The following AAK1 variants were observed in gnomAD, a reference collection of about 807,000 sequenced individuals.
AAK1 encodes AP2 associated kinase 1.
Under a neutral mutation model 116.0 loss-of-function variants are expected in AAK1, and 37 were observed. The observed-to-expected ratio is 0.32, with a 90% CI of 0.25 to 0.42. The LOEUF (loss-of-function observed/expected upper bound fraction) is 0.42. Among genes scored for constraint, AAK1 ranks in the 10% least tolerant of loss-of-function variants. The pLI, the probability that AAK1 is intolerant of heterozygous loss-of-function variation, is 1.00. For missense variants in AAK1, 919 were observed against 1,170.6 expected (o/e 0.79, Z 3.14); for synonymous variants, 458 against 439.9 (o/e 1.04, Z -0.51).
intron 11 of AAK1, among the ~76,000 whole-genome samples, chr2:69,520,358 CTT>C (rs71397334): frequency 1.6e-4 from 20 of 127,384 alleles, no homozygotes; most frequent in Non-Finnish European, 1.6e-4. Flanking sequence ...CAATTCTTTT[CTT>C]TTTTTTTTTT....
At chr2:69,496,272 C>T (rs1025591352) in intron 16 of AAK1, among the ~76,000 whole-genome samples, 192 bp from the exon 17 acceptor site, 5 of 144,422 alleles carry the variant, frequency 3.5e-5, no homozygotes, top group African/African-American at 1.3e-4. Flanking sequence ...CAATCTGGCC[C>T]GTTTTTTTTT....
chr2:69,493,660 G>C (rs1675628986), intron 17 of AAK1, among the ~76,000 whole-genome samples: 1 of 152,218 alleles, frequency 6.6e-6, no homozygotes, highest in Admixed American at 6.5e-5. Flanking sequence ...CTCCCTCAGA[G>C]AGTGATAGGA....
intron 13 of AAK1, among the ~76,000 whole-genome samples, chr2:69,511,016 T>A (rs1373930700): frequency 1.3e-5 from 2 of 152,198 alleles, no homozygotes; most frequent in Non-Finnish European, 2.9e-5. Flanking sequence ...GTCACCTATA[T>A]CAAGGAAAAT....
intron 2 of AAK1, among the ~76,000 whole-genome samples, chr2:69,578,055 G>A (rs1019022369): frequency 1.3e-5 from 2 of 152,038 alleles, no homozygotes; most frequent in African/African-American, 2.4e-5. Flanking sequence ...TCCCTCCCTC[G>A]GGCTGTTAAA....
chr2:69,633,120 C>T (rs1332949899), intron 2 of AAK1, among the ~76,000 whole-genome samples: 2 of 148,718 alleles, frequency 1.3e-5, no homozygotes, highest in African/African-American at 5.0e-5. Context: ...ACTCAGCCGA[C>T]AGGCAGGAGA....
At chr2:69,578,663 C>T (rs149126461) in intron 2 of AAK1, among the ~76,000 whole-genome samples, 154 of 152,264 alleles carry the variant, frequency 1.0e-3, no homozygotes, top group Admixed American at 2.3e-3. Context: ...AGCCTGGCTT[C>T]CCCTCCTGTC....
chr2:69,518,954 C>T lies in AAK1; in HGVS notation c.1497G>A (p.Gln499=). 2 of 1,541,998 alleles carry T rather than the reference C, an allele frequency of 1.3e-6. No individual in the cohort carries two copies. Among genetic ancestry groups the T allele is most frequent in the Non-Finnish European group, 1.8e-6 (2 of 1,142,308 alleles). ...AAGGGCCACACTCTGACCACCTTAC[C>T]TGCTGAGTCTGGGCCTGCTGCTGCT... is the stretch of plus-strand genomic sequence containing the variant. The part of the protein sequence containing the change: ...FYQQQQAQTQ[Q]FQAVHPATQK... Residue 499 remains glutamine, a splice_region_variant and synonymous_variant, in exon 12 of 22, where the codon CAG becomes CAA. Coordinates refer to ENST00000409085, the MANE Select transcript of AAK1 (RefSeq NM_014911.5).
chr2:69,525,705 T>G (rs1669993429), intron 9 of AAK1, among the ~76,000 whole-genome samples: 1 of 152,134 alleles, frequency 6.6e-6, no homozygotes, highest in Non-Finnish European at 1.5e-5. Context: ...CATCTAATAA[T>G]GCCTCATGAG....
At position 69,470,560 on chromosome 2, in the gene AAK1, C is replaced by T. The variant is rs1674642465; in HGVS notation, c.*5309G>A. ...GCAATTAAATGAGTGAGTTTTCTCA[C>T]TGGGGATAAAATTATTCTTGCCAAC... On this transcript the variant is annotated 3_prime_UTR_variant, in exon 22 of 22. Coordinates refer to ENST00000409085, the MANE Select transcript of AAK1 (RefSeq NM_014911.5). The T allele has an allele frequency of 1.0e-6, 1 of 985,396 alleles. No individual in the cohort carries two copies. The highest frequency in any genetic ancestry group is 1.2e-6 in the Non-Finnish European group (1 of 829,930). The allele number at this position is 985,396 out of a possible 1,614,324, so 61.0% of individuals were successfully genotyped here.
chr2:69,561,809 T>C (rs936089527), intron 2 of AAK1, among the ~76,000 whole-genome samples: 3 of 152,194 alleles, frequency 2.0e-5, no homozygotes, highest in Non-Finnish European at 4.4e-5. Context: ...TCCCTATAGT[T>C]TTGCTTGCTC....
At chr2:69,529,890 A>T (rs1175044559) in intron 8 of AAK1, 118 bp downstream of exon 8, 1 of 941,164 alleles carries the variant, frequency 1.1e-6, no homozygotes, top group African/African-American at 1.7e-5. Flanking sequence ...ATCATTATCA[A>T]CTAATTTCTT....
chr2:69,468,899 G>C lies in AAK1; in HGVS notation c.*6970C>G, dbSNP rs1487371359. The C allele has an allele frequency of 2.0e-6, 2 of 985,282 alleles. No homozygotes were observed. The highest frequency in any genetic ancestry group is 4.7e-5 in the South Asian group (1 of 21,288). 61.0% of individuals were successfully genotyped at this position (985,282 alleles called of 1,614,324 possible). ...CCCATTTGGAAAACCTTCCAACTCA[G>C]AGCATATTCTATGACCTTCATGATG... On this transcript the variant is annotated 3_prime_UTR_variant, in exon 22 of 22. Coordinates refer to ENST00000409085, the MANE Select transcript of AAK1 (RefSeq NM_014911.5).
At chr2:69,584,436 A>G (rs569960026) in intron 2 of AAK1, among the ~76,000 whole-genome samples, 4 of 152,344 alleles carry the variant, frequency 2.6e-5, no homozygotes, top group South Asian at 2.1e-4. Flanking sequence ...GGGTAAGAGT[A>G]TAAGAAAGTC....
chr2:69,628,793 C>T (rs1029335536), intron 2 of AAK1, among the ~76,000 whole-genome samples: 2 of 152,138 alleles, frequency 1.3e-5, no homozygotes, highest in African/African-American at 2.4e-5. Context: ...GAGCGAGCCA[C>T]CTAGAGCTGA....
intron 11 of AAK1, among the ~76,000 whole-genome samples, chr2:69,520,377 T>G (rs1669717591): frequency 6.7e-6 from 1 of 150,044 alleles, no homozygotes. Context: ...TTTTTTTTTT[T>G]GAAGCGGAGT....
At chr2:69,545,326 G>A (rs1445671275) in intron 3 of AAK1, among the ~76,000 whole-genome samples, 4 of 152,202 alleles carry the variant, frequency 2.6e-5, no homozygotes, top group Non-Finnish European at 4.4e-5. Flanking sequence ...TTGTAATGAT[G>A]ATATTCAAAA....
intron 2 of AAK1, among the ~76,000 whole-genome samples, chr2:69,597,012 C>A (rs1673327762): frequency 6.6e-6 from 1 of 151,530 alleles, no homozygotes. Flanking sequence ...GAAGTATTAC[C>A]AAATTGGGTC....
At chr2:69,528,568 G>A (rs572597810) in intron 8 of AAK1, among the ~76,000 whole-genome samples, 1 of 152,320 alleles carries the variant, frequency 6.6e-6, no homozygotes. Context: ...TGGATCCAAA[G>A]AAATCTTAAA....
chr2:69,475,165 A>T lies in AAK1; in HGVS notation c.*704T>A. 1.0e-6 allele frequency: 1 copy of T among 985,898 alleles called. No homozygotes were observed. Among genetic ancestry groups the T allele is most frequent in the Non-Finnish European group, 1.2e-6 (1 of 829,956 alleles). The allele number at this position is 985,898 out of a possible 1,614,324, so 61.1% of individuals were successfully genotyped here. A position where few individuals can be genotyped will look rare whatever the true frequency, so the allele number is the denominator to read the frequency against. On this transcript the variant is annotated 3_prime_UTR_variant, in exon 22 of 22. Coordinates refer to ENST00000409085, the MANE Select transcript of AAK1 (RefSeq NM_014911.5). ...GCAGTCACGTCTCCAGATCTGAGAAATCACGGTTCAATGGAAGCCAGAAAG... is the reference window on the plus strand; with the variant it reads ...GCAGTCACGTCTCCAGATCTGAGAATTCACGGTTCAATGGAAGCCAGAAAG...
Sources: gnomAD v4.1 joint callset for allele counts (sites outside exome capture counted in the v4.1 genomes callset) on GRCh38, gnomAD v4.1.1 for gene constraint, MANE v1.5 for transcripts, NCBI Gene and HGNC (gene_info 2026-07-23, HGNC 2026-07-21) for gene names.